The following GABPA variants were observed in gnomAD, a reference collection of about 807,000 sequenced individuals.
GABPA encodes the protein GA binding protein transcription factor subunit alpha.
GABPA carries 4 observed loss-of-function variants against 59.4 expected under a neutral mutation model. The observed-to-expected ratio is 0.07, with a 90% confidence interval of 0.03 to 0.15. GABPA has a LOEUF of 0.15. Ranked by LOEUF, GABPA falls within the 10% of genes least tolerant of loss-of-function variation. GABPA has a pLI of 1.00. For missense variants in GABPA, 251 were observed against 543.8 expected (o/e 0.46, Z 5.36); for synonymous variants, 164 against 183.1 (o/e 0.90, Z 0.84).
At chr21:25,744,993 A>G (rs963630541) in intron 2 of GABPA, among the ~76,000 whole-genome samples, 1 of 152,232 alleles carries the variant, frequency 6.6e-6, no homozygotes, top group Non-Finnish European at 1.5e-5. Flanking sequence ...CATATTTACA[A>G]GGATGCTTTA....
intron 6 of GABPA, 124 bp downstream of exon 6, chr21:25,758,328 A>G: frequency 1.5e-6 from 1 of 682,646 alleles, no homozygotes; most frequent in Non-Finnish European, 2.4e-6. Context: ...ATTAACATTT[A>G]TTTACTGTAT....
rs1454554159 is a variant in GABPA, at chr21:25,769,157, G to A, written c.1290G>A (p.Gln430=). Residue 430 remains glutamine, a synonymous_variant, in exon 10 of 10, where the codon CAG becomes CAA. Coordinates refer to ENST00000400075, the MANE Select transcript of GABPA (RefSeq NM_002040.4). ...AACAGAAGAAACTTGCAAAGATGCA[G>A]CTCCATGGAATTGCCCAGCCAGTCA... ...ECEQKKLAKM[Q]LHGIAQPVTA... 6.2e-7 allele frequency: 1 copy of A among 1,610,198 alleles called. No homozygotes were observed. Among genetic ancestry groups the A allele is most frequent in the South Asian group, 1.1e-5 (1 of 91,020 alleles).
At chr21:25,746,949 T>C (rs1157920219) in intron 3 of GABPA, among the ~76,000 whole-genome samples, 1 of 152,204 alleles carries the variant, frequency 6.6e-6, no homozygotes, top group Non-Finnish European at 1.5e-5. Flanking sequence ...TAAAAACTGG[T>C]GAACTTGAGC....
At position 25,755,721 on chromosome 21, in the gene GABPA, C is replaced by T. The variant is rs71651610; in HGVS notation, c.554-2289C>T. 8.7e-3 allele frequency among the ~76,000 whole-genome samples: 1,328 copies of T among 152,206 alleles called. 22 individuals are homozygous for T. The highest frequency in any genetic ancestry group is 0.031 in the African/African-American group (1,269 of 41,542). On this transcript the variant is annotated intron_variant, in intron 5 of 9. Transcript: ENST00000400075. ...TATTAATAAATGTTTTCCCGGTGTC[C>T]ACATGTGTGGGGTGCACTCATTTAA...
intron 7 of GABPA, 111 bp from the exon 8 acceptor site, chr21:25,764,099 C>G (rs974070397): frequency 1.2e-6 from 1 of 864,208 alleles, no homozygotes; most frequent in Non-Finnish European, 1.7e-6. Context: ...GAAGTACTTT[C>G]TTGGGGGTAA....
rs762663519 is a variant in GABPA at position 25,751,966 on chromosome 21, A to AT, written c.308-14dup. 1.4e-4 allele frequency: 222 copies of AT among 1,587,952 alleles called. No individual in the cohort carries two copies. In the East Asian group the frequency reaches 1.8e-3, roughly 13 times the overall value. On this transcript the variant is annotated intron_variant, in intron 4 of 9. Coordinates refer to ENST00000400075, the MANE Select transcript of GABPA (RefSeq NM_002040.4). Reference sequence around the variant, plus strand: ...TTCTGCGTTTTCATTTAGATTTACAATTTTTTTTTATCCACTGTTCAGGAA... The same window carrying AT: ...TTCTGCGTTTTCATTTAGATTTACAATTTTTTTTTTATCCACTGTTCAGGAA...
intron 6 of GABPA, among the ~76,000 whole-genome samples, chr21:25,758,850 A>T (rs950464715): frequency 9.2e-5 from 14 of 152,172 alleles, no homozygotes; most frequent in African/African-American, 3.4e-4. Flanking sequence ...CAGGCAGATC[A>T]CTTGAGGTTA....
At chr21:25,742,664 A>G (rs1427265319) in intron 2 of GABPA, among the ~76,000 whole-genome samples, 1 of 152,054 alleles carries the variant, frequency 6.6e-6, no homozygotes, top group Non-Finnish European at 1.5e-5. Flanking sequence ...CTGTAGTCCC[A>G]ACAGTTTGGG....
At chr21:25,747,726 A>G (rs2035403027) in intron 3 of GABPA, among the ~76,000 whole-genome samples, 1 of 152,214 alleles carries the variant, frequency 6.6e-6, no homozygotes, top group South Asian at 2.1e-4. Flanking sequence ...TGAACTTGCT[A>G]ATATGTTCAG....
chr21:25,765,579 G>A (rs1181314961), intron 9 of GABPA, among the ~76,000 whole-genome samples: 4 of 151,864 alleles, frequency 2.6e-5, no homozygotes, highest in Non-Finnish European at 5.9e-5. Context: ...TTACGGCCAT[G>A]TAACTATTAT....
At chr21:25,739,387 A>C (rs2035161371) in intron 1 of GABPA, among the ~76,000 whole-genome samples, 1 of 152,182 alleles carries the variant, frequency 6.6e-6, no homozygotes, top group Middle Eastern at 3.2e-3. Context: ...TGGAGTCAGA[A>C]ATATGAAGTA....
intron 1 of GABPA, among the ~76,000 whole-genome samples, chr21:25,736,554 G>A (rs111543371): frequency 6.6e-6 from 1 of 152,310 alleles, no homozygotes; most frequent in African/African-American, 2.4e-5. Flanking sequence ...TACCTGAATT[G>A]TGTATACAAG....
intron 9 of GABPA, among the ~76,000 whole-genome samples, chr21:25,768,246 A>G (rs930487244): frequency 6.6e-6 from 1 of 151,938 alleles, no homozygotes; most frequent in East Asian, 1.9e-4. Context: ...TCTCTTTGCA[A>G]TGTCCTTTAC....
intron 6 of GABPA, among the ~76,000 whole-genome samples, chr21:25,759,262 A>G (rs1354043460): frequency 2.0e-5 from 3 of 152,196 alleles, no homozygotes; most frequent in African/African-American, 7.2e-5. Context: ...TTCAGAACAC[A>G]TGACTACAAC....
chr21:25,749,417 A>C (rs1203580717), intron 4 of GABPA, among the ~76,000 whole-genome samples: 1 of 152,216 alleles, frequency 6.6e-6, no homozygotes, highest in South Asian at 2.1e-4. Context: ...GCCACACTGC[A>C]GAACTGGACT....
At chr21:25,738,816 C>T (rs764584980) in intron 1 of GABPA, among the ~76,000 whole-genome samples, 34 of 152,136 alleles carry the variant, frequency 2.2e-4, no homozygotes, top group Non-Finnish European at 3.8e-4. Context: ...TCGGTTTCCA[C>T]CTGTTTTCTT....
At chr21:25,745,180 A>C in intron 2 of GABPA, 30 bp from the exon 3 acceptor site, 1 of 1,605,020 alleles carries the variant, frequency 6.2e-7, no homozygotes, top group Non-Finnish European at 8.5e-7. Flanking sequence ...AAAAAATGTA[A>C]CTGTTAGCAC....
intron 5 of GABPA, 75 bp downstream of exon 5, chr21:25,752,309 TATA>T (rs1237256000): frequency 3.6e-6 from 5 of 1,398,616 alleles, no homozygotes; most frequent in Non-Finnish European, 3.9e-6. Flanking sequence ...TAGGGTAAGT[TATA>T]ATCTATTTTA....
chr21:25,738,630 C>A (rs1332165686), intron 1 of GABPA, among the ~76,000 whole-genome samples: 1 of 152,168 alleles, frequency 6.6e-6, no homozygotes, highest in Non-Finnish European at 1.5e-5. Flanking sequence ...TATGTTTAAT[C>A]CTTTAAGGCA....
Sources: allele counts gnomAD v4.1 joint callset (sites outside exome capture counted in the v4.1 genomes callset), GRCh38; gene constraint gnomAD v4.1.1; transcripts MANE v1.5; gene names NCBI Gene and HGNC (gene_info 2026-07-23, HGNC 2026-07-21).